The following SPPL3 variants were observed in gnomAD, a reference collection of about 807,000 sequenced individuals.
SPPL3 encodes the protein signal peptide peptidase like 3.
SPPL3 carries 5 observed loss-of-function variants against 42.4 expected under a neutral mutation model. That is an observed-to-expected ratio of 0.12 (90% CI 0.06 to 0.25). SPPL3 has a LOEUF of 0.25. SPPL3 is among the 10% of genes least tolerant of loss of function. The pLI is 1.00. For synonymous variants in SPPL3, 195 were observed against 181.8 expected (o/e 1.07, Z -0.58); for missense variants, 235 against 489.0 (o/e 0.48, Z 4.90).
intron 1 of SPPL3, among the ~76,000 whole-genome samples, chr12:120,836,916 T>C (rs1871639019): frequency 6.6e-6 from 1 of 152,152 alleles, no homozygotes. Context: ...AATATCCTGA[T>C]TGTGTTGTTA....
At chr12:120,823,894 G>A (rs991015097) in intron 1 of SPPL3, among the ~76,000 whole-genome samples, 18 of 148,514 alleles carry the variant, frequency 1.2e-4, no homozygotes, top group Non-Finnish European at 1.6e-4. Context: ...TTTTTGAGAC[G>A]GAGTCTCACT....
chr12:120,778,776 A>G (rs1869424295), intron 6 of SPPL3, among the ~76,000 whole-genome samples: 1 of 152,232 alleles, frequency 6.6e-6, no homozygotes, highest in African/African-American at 2.4e-5. Flanking sequence ...TGTACTGGTC[A>G]AAGTCACTTA....
intron 3 of SPPL3, among the ~76,000 whole-genome samples, chr12:120,789,213 G>T (rs1261628070): frequency 6.6e-6 from 1 of 151,996 alleles, no homozygotes; most frequent in Non-Finnish European, 1.5e-5. Context: ...CAGCACTTTG[G>T]GAGGCCAACA....
intron 1 of SPPL3, among the ~76,000 whole-genome samples, chr12:120,888,772 A>G (rs1873542329): frequency 6.6e-6 from 1 of 152,152 alleles, no homozygotes; most frequent in Non-Finnish European, 1.5e-5. Flanking sequence ...TTAATTGTAC[A>G]CTTTAAATGA....
chr12:120,790,043 C>CTTT (rs1422892784), intron 3 of SPPL3, among the ~76,000 whole-genome samples: 1 of 151,996 alleles, frequency 6.6e-6, no homozygotes, highest in Non-Finnish European at 1.5e-5. Flanking sequence ...TAATACAGGA[C>CTTT]TTTTAAAAAG....
At chr12:120,784,443 G>C in intron 4 of SPPL3, 31 bp downstream of exon 4, 1 of 1,554,700 alleles carries the variant, frequency 6.4e-7, no homozygotes, top group Non-Finnish European at 8.7e-7. Context: ...CTTTTAGTAT[G>C]TTAAGACTAG....
intron 1 of SPPL3, among the ~76,000 whole-genome samples, chr12:120,859,498 CAA>C (rs1406655936): frequency 2.6e-5 from 4 of 152,102 alleles, no homozygotes; most frequent in African/African-American, 9.7e-5. Flanking sequence ...ATTACTTTGA[CAA>C]AAAAGTTTTT....
chr12:120,831,038 G>C (rs1281765002), intron 1 of SPPL3, among the ~76,000 whole-genome samples: 1 of 152,060 alleles, frequency 6.6e-6, no homozygotes, highest in Admixed American at 6.5e-5. Context: ...CCAAGGGCCT[G>C]AACAGAACAA....
chr12:120,773,224 G>T (rs1869185720), intron 6 of SPPL3, among the ~76,000 whole-genome samples: 1 of 152,192 alleles, frequency 6.6e-6, no homozygotes. Flanking sequence ...AGGAAACAAA[G>T]ATTTGGTTGT....
rs1030656101 is a variant in SPPL3 at position 120,797,077 on chromosome 12, G to C, written c.102-5520C>G. Among the ~76,000 whole-genome samples the C allele has an allele frequency of 2.6e-5, 4 of 152,310 alleles. No individual in the cohort carries two copies. In the South Asian group the frequency reaches 8.3e-4, roughly 32 times the overall value. ...CCGAGCTACCCAGGAGGCTGAGGCA[G>C]AATTTCTTGAACCCGGGAGGTGGAG... On this transcript the variant is annotated intron_variant, in intron 2 of 10. Transcript: ENST00000353487.
intron 3 of SPPL3, among the ~76,000 whole-genome samples, chr12:120,788,655 C>T (rs757228439): frequency 6.6e-6 from 1 of 152,224 alleles, no homozygotes; most frequent in Non-Finnish European, 1.5e-5. Context: ...TACAACTTCT[C>T]CTGCTCTCCT....
At chr12:120,875,318 AATAGTATAACATTATTTCAAC>A (rs1238305344) in intron 1 of SPPL3, among the ~76,000 whole-genome samples, 1 of 152,266 alleles carries the variant, frequency 6.6e-6, no homozygotes, top group African/African-American at 2.4e-5. Context: ...TTACAGGTGA[AATAGTATAACATTATTTCAAC>A]ATAGATGGTG....
intron 6 of SPPL3, among the ~76,000 whole-genome samples, chr12:120,771,333 C>T (rs915968386): frequency 2.0e-5 from 3 of 152,196 alleles, no homozygotes; most frequent in South Asian, 4.1e-4. Context: ...CCCATGCCGC[C>T]GCTTCGGCCA....
At chr12:120,868,325 G>A (rs571423631) in intron 1 of SPPL3, among the ~76,000 whole-genome samples, 1 of 152,248 alleles carries the variant, frequency 6.6e-6, no homozygotes, top group East Asian at 1.9e-4. Context: ...AGCAAATTCA[G>A]TAATTGAGGA....
At chr12:120,773,462 G>A (rs773204449) in intron 6 of SPPL3, among the ~76,000 whole-genome samples, 21 of 152,154 alleles carry the variant, frequency 1.4e-4, no homozygotes, top group African/African-American at 4.8e-4. Context: ...ATGGACAGAC[G>A]GGAGACAGGA....
rs3078034 is a variant in SPPL3 at position 120,763,808 on chromosome 12, C to CT, written c.*1190dup. The CT allele has an allele frequency of 9.3e-5, 13 of 140,158 alleles. No homozygotes were observed. The highest frequency in any genetic ancestry group is 2.2e-4 in the South Asian group (1 of 4,478). 8.7% of individuals were successfully genotyped at this position (140,158 alleles called of 1,614,324 possible). Reference sequence around the variant, plus strand: ...AGGACAGGATTGTGTTGCTTTTTTCCTTTTTTTTTTTCTTAAAGGAGTGAG... The same window carrying CT: ...AGGACAGGATTGTGTTGCTTTTTTCCTTTTTTTTTTTTCTTAAAGGAGTGAG... On this transcript the variant is annotated 3_prime_UTR_variant, in exon 11 of 11. Transcript: ENST00000353487.
intron 2 of SPPL3, among the ~76,000 whole-genome samples, chr12:120,804,682 GAAGCATT>G (rs1461286818): frequency 6.6e-6 from 1 of 152,128 alleles, no homozygotes; most frequent in Non-Finnish European, 1.5e-5. Flanking sequence ...TTGGAAAACA[GAAGCATT>G]TCTTAAAATG....
intron 1 of SPPL3, among the ~76,000 whole-genome samples, chr12:120,896,750 G>GCCTGGT (rs1322490447): frequency 2.0e-5 from 3 of 151,650 alleles, no homozygotes; most frequent in Non-Finnish European, 2.9e-5. Context: ...CTACACTCTA[G>GCCTGGT]ACTGGGTGAC....
chr12:120,899,912 ATCATTTTCATATGGGGTGG>A (rs1873923069), intron 1 of SPPL3, among the ~76,000 whole-genome samples: 1 of 147,614 alleles, frequency 6.8e-6, no homozygotes, highest in Non-Finnish European at 1.5e-5. Context: ...AAAAAAAAAG[ATCATTTTCATATGGGGTGG>A]TCAGAAAATG....
Sources: allele counts gnomAD v4.1 joint callset (sites outside exome capture counted in the v4.1 genomes callset), GRCh38; gene constraint gnomAD v4.1.1; transcripts MANE v1.5; gene names NCBI Gene and HGNC (gene_info 2026-07-23, HGNC 2026-07-21).